NLRP2: variants seen among roughly 807,000 people sequenced by gnomAD.
The protein encoded by NLRP2 is NACHT, LRR and PYD domains-containing protein 2.
Under a neutral mutation model 97.2 loss-of-function variants are expected in NLRP2, and 107 were observed. The ratio of observed to expected loss-of-function variants is 1.10; its 90% CI spans 0.94 to 1.29. The LOEUF (loss-of-function observed/expected upper bound fraction) is 1.29, where lower values mean the gene tolerates loss of function less well. Ranked by LOEUF, NLRP2 falls within the 50% of genes most tolerant of loss-of-function variation. The probability of loss-of-function intolerance (pLI) is 0.00; values close to 1 mark genes in which losing one functional copy is unlikely to be tolerated. For synonymous variants in NLRP2, 663 were observed against 551.5 expected (o/e 1.20, Z -2.83); for missense variants, 1,495 against 1,330.3 (o/e 1.12, Z -1.93).
intron 11 of NLRP2, among the ~76,000 whole-genome samples, chr19:54,996,346 C>G (rs2072823675): frequency 6.6e-6 from 1 of 151,948 alleles, no homozygotes; most frequent in Non-Finnish European, 1.5e-5. Context: ...CCCTGTCTCT[C>G]TAAAACCACA....
intron 2 of NLRP2, chr19:54,974,056 C>CT: frequency 9.0e-7 from 1 of 1,106,090 alleles, no homozygotes; most frequent in Non-Finnish European, 1.4e-6. Flanking sequence ...AGAATGCTGG[C>CT]TATTAAAAGA....
intron 6 of NLRP2, among the ~76,000 whole-genome samples, 153 bp downstream of exon 6, chr19:54,983,881 T>C (rs2146449500): frequency 6.6e-6 from 1 of 152,326 alleles, no homozygotes; most frequent in Admixed American, 6.5e-5. Flanking sequence ...GATGGAGTCT[T>C]GCTCTGTCGC....
intron 12 of NLRP2, among the ~76,000 whole-genome samples, chr19:55,000,270 C>CTTTTTTTTTTTGTTTTTTTTTTTTTTT (rs2073103204): frequency 2.8e-5 from 1 of 36,000 alleles, no homozygotes; most frequent in Non-Finnish European, 4.8e-5. Context: ...GAGAGACTGT[C>CTTTTTTTTTTTGTTTTTTTTTTTTTTT]TTTTTTTTTT....
intron 8 of NLRP2, 71 bp downstream of exon 8, chr19:54,986,386 G>T: frequency 6.9e-7 from 1 of 1,459,154 alleles, no homozygotes; most frequent in South Asian, 1.1e-5. Flanking sequence ...TGGCAATTTT[G>T]TGTAAATAAG....
chr19:54,971,062 A>C (rs2070823377), intron 2 of NLRP2, among the ~76,000 whole-genome samples: 1 of 139,942 alleles, frequency 7.1e-6, no homozygotes, highest in African/African-American at 2.6e-5. Context: ...ATGAGTGAGA[A>C]TATGCGGTGT....
Position 54,983,318 on chromosome 19 carries a change from C to A in NLRP2, c.1620C>A (p.Ser540=). Residue 540 remains serine (S), a synonymous_variant, in exon 6 of 13, where the codon TCC becomes TCA. Transcript: ENST00000448584. ...TTGGGGACGTACAGAAGCTGCTTTC[C>A]GGAGTAGAAAGACTCAGGAACCCCG... ...WDIGDVQKLL[S]GVERLRNPDL... 1 of 1,614,224 alleles carries A rather than the reference C, an allele frequency of 6.2e-7. No individual in the cohort carries two copies. The highest frequency in any genetic ancestry group is 8.5e-7 in the Non-Finnish European group (1 of 1,180,032).
rs749709303 is a variant in NLRP2 at position 54,978,232 on chromosome 19, TA to T, written c.397+411del. Among the ~76,000 whole-genome samples the T allele has an allele frequency of 5.4e-3, 585 of 108,520 alleles. 2 individuals are homozygous for T. Among genetic ancestry groups the T allele is most frequent in the Middle Eastern group, 0.016 (3 of 188 alleles). The allele number at this position is 108,520 out of a possible 152,430, so 71.2% of individuals were successfully genotyped here. A position where few individuals can be genotyped will look rare whatever the true frequency, so the allele number is the denominator to read the frequency against. On this transcript the variant is annotated intron_variant, in intron 4 of 12. Coordinates refer to ENST00000448584, the MANE Select transcript of NLRP2 (RefSeq NM_017852.5). Reference sequence around the variant, plus strand: ...ATAGGCACCTGCCACCACACCCAGCTAATTTTTTTTTTTTTTTTTGAGACGA... The same window carrying T: ...ATAGGCACCTGCCACCACACCCAGCTATTTTTTTTTTTTTTTTTGAGACGA...
At chr19:54,967,928 T>C (rs984366982) in intron 1 of NLRP2, among the ~76,000 whole-genome samples, 1 of 150,968 alleles carries the variant, frequency 6.6e-6, no homozygotes, top group African/African-American at 2.4e-5. Context: ...TTTTTTTTTT[T>C]TTTTTTTTGA....
Position 55,000,971 on chromosome 19 carries a change from T to TCCTCC in NLRP2, c.*76_*80dup. On this transcript the variant is annotated 3_prime_UTR_variant, in exon 13 of 13. Coordinates refer to ENST00000448584, the MANE Select transcript of NLRP2 (RefSeq NM_017852.5). ...GTTGGTGAACTGCCTGTGACTCCTC[T>TCCTCC]CCTCCCCGGCCCCTACCCCTCAGGG... 1 of 1,385,602 alleles carries TCCTCC rather than the reference T, an allele frequency of 7.2e-7. No homozygotes were observed. Among genetic ancestry groups the TCCTCC allele is most frequent in the South Asian group, 1.2e-5 (1 of 86,500 alleles). 85.8% of individuals were successfully genotyped at this position (1,385,602 alleles called of 1,614,324 possible).
chr19:54,996,054 C>CAAAAAAAAAACAA (rs1013592892), intron 11 of NLRP2, among the ~76,000 whole-genome samples: 3 of 115,900 alleles, frequency 2.6e-5, no homozygotes, highest in African/African-American at 9.0e-5. Context: ...AAAAAAAAAA[C>CAAAAAAAAAACAA]AAAAAAAACA....
intron 12 of NLRP2, among the ~76,000 whole-genome samples, chr19:54,999,843 T>A (rs62124649): frequency 0.079 from 11,998 of 152,132 alleles, 492 homozygotes; most frequent in South Asian, 0.1. Flanking sequence ...TTCAAGTGAT[T>A]CTCCTGTGTC....
chr19:54,985,109 A>G lies in NLRP2; in HGVS notation c.2093A>G (p.Asn698Ser). 1 of 1,614,164 alleles carries G rather than the reference A, an allele frequency of 6.2e-7. No individual in the cohort carries two copies. The highest frequency in any genetic ancestry group is 8.5e-7 in the Non-Finnish European group (1 of 1,180,030). ...GACCTTTGTTCCATATTTGGATCAA[A>G]TAAGGATCTGATGGGTCTAGCAATC... is the stretch of plus-strand genomic sequence containing the variant. ...WTDLCSIFGS[N>S]KDLMGLAIND... is the part of the protein sequence containing the mutation. The change falls in exon 7 of 13, where the codon AAT becomes AGT. Residue 698 changes from asparagine to serine, a missense_variant. Physicochemically the swap from Asn to Ser is conservative, Grantham distance 46. Coordinates refer to ENST00000448584, the MANE Select transcript of NLRP2 (RefSeq NM_017852.5).
chr19:54,990,260 G>C, intron 9 of NLRP2, 68 bp downstream of exon 9: 1 of 1,513,340 alleles, frequency 6.6e-7, no homozygotes. Flanking sequence ...CAATGGTCAT[G>C]CCTGACTTGG....
rs1335226381 is a variant in NLRP2, at chr19:54,974,608, T to C, written c.325+64T>C. The C allele has an allele frequency of 5.3e-5, 61 of 1,141,742 alleles. No homozygotes were observed. In the East Asian group the frequency reaches 1.4e-3, roughly 26 times the overall value. The allele number at this position is 1,141,742 out of a possible 1,614,324, so 70.7% of individuals were successfully genotyped here. On this transcript the variant is annotated intron_variant, in intron 3 of 12. Transcript: ENST00000448584. ...GATCTGGGGACTCGGGCCTTTGTTT[T>C]AAGGAGAATGTGCTGAGCACTAAGA...
chr19:54,987,401 A>G (rs2072167927), intron 8 of NLRP2, among the ~76,000 whole-genome samples: 1 of 152,172 alleles, frequency 6.6e-6, no homozygotes, highest in African/African-American at 2.4e-5. Context: ...ACCTACATGC[A>G]TCATGGGGTT....
intron 10 of NLRP2, 149 bp from the exon 11 acceptor site, chr19:54,994,120 C>T: frequency 4.6e-6 from 4 of 863,138 alleles, no homozygotes; most frequent in East Asian, 2.5e-5. Context: ...GGAGGCCATT[C>T]TTCTGTCCAC....
At chr19:54,982,002 T>C (rs1386665318) in intron 5 of NLRP2, among the ~76,000 whole-genome samples, 160 bp from the exon 6 acceptor site, 1 of 152,074 alleles carries the variant, frequency 6.6e-6, no homozygotes, top group East Asian at 1.9e-4. Flanking sequence ...GGTGTTGAAC[T>C]CCCAATGTCA....
chr19:54,990,004 G>A lies in NLRP2; in HGVS notation c.2367-18G>A. 1 of 1,612,294 alleles carries A rather than the reference G, an allele frequency of 6.2e-7. No homozygotes were observed. The highest frequency in any genetic ancestry group is 8.5e-7 in the Non-Finnish European group (1 of 1,179,184). On this transcript the variant is annotated intron_variant, in intron 8 of 12. Transcript: ENST00000448584. ...TCAAAAAAAAAAAAAAAATGACGTG[G>A]TCCTATTTCTCCCACAGGTTGGTGT...
intron 8 of NLRP2, among the ~76,000 whole-genome samples, chr19:54,988,312 A>C (rs959837841): frequency 3.3e-5 from 5 of 151,960 alleles, no homozygotes; most frequent in African/African-American, 1.2e-4. Flanking sequence ...TTTTTTCTCA[A>C]GATATAGTCT....
Sources: allele counts gnomAD v4.1 joint callset (sites outside exome capture counted in the v4.1 genomes callset), GRCh38; gene constraint gnomAD v4.1.1; transcripts MANE v1.5; gene names NCBI Gene and HGNC (gene_info 2026-07-23, HGNC 2026-07-21).